The following LAMA3 variants were observed in gnomAD, a reference collection of about 807,000 sequenced individuals.
LAMA3 encodes laminin subunit alpha-3.
A neutral mutation model predicts 402.0 loss-of-function variants in LAMA3; 281 were observed. The ratio of observed to expected loss-of-function variants is 0.70; its 90% CI spans 0.63 to 0.77. LAMA3 has a LOEUF of 0.77. Ranked by LOEUF, LAMA3 falls within the 30% of genes least tolerant of loss-of-function variation. The probability of loss-of-function intolerance (pLI) is 0.00; values close to 1 mark genes in which losing one functional copy is unlikely to be tolerated. For synonymous variants in LAMA3, 1,431 were observed against 1,558.4 expected (o/e 0.92, Z 1.93); for missense variants, 3,840 against 4,215.5 (o/e 0.91, Z 2.47).
intron 24 of LAMA3, among the ~76,000 whole-genome samples, chr18:23,836,106 T>TACACACACACACACAC (rs10569981): frequency 1.3e-5 from 2 of 148,158 alleles, no homozygotes; most frequent in South Asian, 4.3e-4. Context: ...TTTTAATGGA[T>TACACACACACACACAC]ACACACACAC....
At position 23,902,743 on chromosome 18, in the gene LAMA3, T is replaced by C. The variant is rs556170562; in HGVS notation, c.6202-266T>C. On this transcript the variant is annotated intron_variant, in intron 48 of 74. Transcript: ENST00000313654. ...AGATTTTGATAATATACCCATCTCA[T>C]TGGGCAAGTTGACCCCTACTGTAGA... 6.6e-5 allele frequency among the ~76,000 whole-genome samples: 10 copies of C among 152,350 alleles called. No homozygotes were observed. The East Asian group carries it at 1.7e-3, about 26-fold the overall frequency.
At chr18:23,722,021 A>G (rs1271976940) in intron 2 of LAMA3, among the ~76,000 whole-genome samples, 1 of 152,208 alleles carries the variant, frequency 6.6e-6, no homozygotes, top group Non-Finnish European at 1.5e-5. Context: ...ATAAGGTCCA[A>G]GTTTCTTAAC....
chr18:23,749,855 C>A (rs1341959801), intron 4 of LAMA3, among the ~76,000 whole-genome samples: 1 of 151,984 alleles, frequency 6.6e-6, no homozygotes, highest in Non-Finnish European at 1.5e-5. Context: ...AAATGATGAC[C>A]CCTTACCTCT....
intron 2 of LAMA3, among the ~76,000 whole-genome samples, chr18:23,717,296 A>G (rs1477677955): frequency 6.6e-6 from 1 of 152,178 alleles, no homozygotes; most frequent in Non-Finnish European, 1.5e-5. Flanking sequence ...TAACATTAAG[A>G]CCTTAGAGGG....
chr18:23,806,390 G>A (rs1598829798), intron 12 of LAMA3, among the ~76,000 whole-genome samples: 1 of 152,106 alleles, frequency 6.6e-6, no homozygotes, highest in African/African-American at 2.4e-5. Flanking sequence ...CACCTTTCAG[G>A]GCTTGCTGGG....
intron 63 of LAMA3, 92 bp downstream of exon 63, chr18:23,928,332 A>G: frequency 1.2e-6 from 1 of 833,914 alleles, no homozygotes; most frequent in East Asian, 2.6e-5. Flanking sequence ...CTTCTTTCTG[A>G]TAGCACACAG....
chr18:23,752,666 C>A (rs1039813717), intron 5 of LAMA3, among the ~76,000 whole-genome samples: 5 of 152,134 alleles, frequency 3.3e-5, no homozygotes, highest in African/African-American at 1.2e-4. Context: ...GTAATACTGA[C>A]TTTATCTGTA....
chr18:23,747,202 T>C (rs1042802414), intron 2 of LAMA3, among the ~76,000 whole-genome samples: 1 of 151,994 alleles, frequency 6.6e-6, no homozygotes, highest in Admixed American at 6.6e-5. Context: ...GACCTCAGGG[T>C]TCAAAATTCA....
In LAMA3 at chr18:23,926,713, T is replaced by G. The variant is rs893900940; in HGVS notation, c.8178-1410T>G. Among the ~76,000 whole-genome samples, 15 of 152,234 alleles carry G rather than the reference T, an allele frequency of 9.9e-5. 1 individual carries two copies. Among genetic ancestry groups the G allele is most frequent in the African/African-American group, 2.4e-5 (1 of 41,456 alleles). ...AAGAAACACAAATATTTGCCTGGAC[T>G]TCAGTTAGTTCATGTGTGTGAATGC... On this transcript the variant is annotated intron_variant, in intron 62 of 74. Transcript: ENST00000313654.
At chr18:23,711,322 A>G (rs944077383) in intron 1 of LAMA3, among the ~76,000 whole-genome samples, 1 of 152,160 alleles carries the variant, frequency 6.6e-6, no homozygotes, top group African/African-American at 2.4e-5. Flanking sequence ...TATTTGATAT[A>G]TATAGTTTTT....
At chr18:23,738,066 G>A (rs991257772) in intron 2 of LAMA3, among the ~76,000 whole-genome samples, 4 of 152,064 alleles carry the variant, frequency 2.6e-5, no homozygotes, top group African/African-American at 9.7e-5. Context: ...ATCAATCGTC[G>A]GTGGTATAAG....
intron 12 of LAMA3, among the ~76,000 whole-genome samples, chr18:23,792,837 G>T (rs762429759): frequency 1.3e-5 from 2 of 152,176 alleles, no homozygotes; most frequent in African/African-American, 2.4e-5. Flanking sequence ...TGCCCGATAG[G>T]TCTGCTCAGA....
intron 69 of LAMA3, 67 bp downstream of exon 69, chr18:23,944,038 A>C: frequency 2.7e-6 from 4 of 1,464,216 alleles, no homozygotes; most frequent in Non-Finnish European, 3.8e-6. Flanking sequence ...CGCTGAAAAT[A>C]GGAGTCCCAG....
intron 2 of LAMA3, among the ~76,000 whole-genome samples, chr18:23,741,283 A>G (rs1598694016): frequency 6.6e-6 from 1 of 151,694 alleles, no homozygotes; most frequent in South Asian, 2.1e-4. Flanking sequence ...GTGATGATAA[A>G]CCCAAAAGAA....
chr18:23,735,828 G>A (rs1177893185), intron 2 of LAMA3, among the ~76,000 whole-genome samples: 1 of 152,094 alleles, frequency 6.6e-6, no homozygotes, highest in Non-Finnish European at 1.5e-5. Flanking sequence ...TCCCTTGGGA[G>A]CAGCCCAGTG....
chr18:23,921,354 C>T, intron 61 of LAMA3, 98 bp from the exon 62 acceptor site: 1 of 1,321,700 alleles, frequency 7.6e-7, no homozygotes, highest in Non-Finnish European at 1.0e-6. Flanking sequence ...ATAAATGAAT[C>T]TGGGGGAAGA....
intron 56 of LAMA3, among the ~76,000 whole-genome samples, 185 bp from the exon 57 acceptor site, chr18:23,914,225 C>T (rs932468089): frequency 1.3e-5 from 2 of 152,180 alleles, no homozygotes; most frequent in Non-Finnish European, 2.9e-5. Context: ...TGAGCAGAGA[C>T]AGCTCTCACA....
chr18:23,900,531 A>G (rs1182164827), intron 47 of LAMA3, among the ~76,000 whole-genome samples: 2 of 152,212 alleles, frequency 1.3e-5, no homozygotes, highest in African/African-American at 2.4e-5. Flanking sequence ...TTTGTATTAC[A>G]AAAACAAAAA....
At position 23,713,944 on chromosome 18, in the gene LAMA3, T is replaced by A; in HGVS notation, c.319T>A (p.Ser107Thr). 1 of 1,613,940 alleles carries A rather than the reference T, an allele frequency of 6.2e-7. No homozygotes were observed. Among genetic ancestry groups the A allele is most frequent in the Non-Finnish European group, 8.5e-7 (1 of 1,179,970 alleles). ...IQGQFCDYCN[S>T]EDPRKAHPVT... is the part of the protein sequence containing the mutation. ...GGGCCAGTTCTGTGACTATTGCAAT[T>A]CTGAAGACCCCAGGAAAGCACATCC... Residue 107 changes from serine to threonine, a missense_variant, in exon 2 of 75, where the codon TCT (serine) becomes ACT (threonine). This residue lies in a region of LAMA3 where 2,109 missense variants were observed against 2,376.0 expected (regional missense o/e 0.89). Coordinates refer to ENST00000313654, the MANE Select transcript of LAMA3 (RefSeq NM_198129.4).
Sources: gnomAD v4.1 joint callset for allele counts (sites outside exome capture counted in the v4.1 genomes callset) on GRCh38, gnomAD v4.1.1 for gene constraint, gnomAD v4.1.1 regional missense constraint, MANE v1.5 for transcripts, NCBI Gene and HGNC (gene_info 2026-07-23, HGNC 2026-07-21) for gene names.